Variants in SYT1 observed in about 807,000 individuals in gnomAD.
SYT1 encodes synaptotagmin-1.
In SYT1, 8 loss-of-function variants were observed where a neutral mutation model predicts 44.8. That is an observed-to-expected ratio of 0.18 (90% CI 0.10 to 0.32). SYT1 has a LOEUF of 0.32. Among genes scored for constraint, SYT1 ranks in the 10% least tolerant of loss-of-function variants. The probability of loss-of-function intolerance (pLI) is 1.00; values close to 1 mark genes in which losing one functional copy is unlikely to be tolerated. For synonymous variants in SYT1, 154 were observed against 188.8 expected (o/e 0.82, Z 1.51); for missense variants, 286 against 509.3 (o/e 0.56, Z 4.22).
chr12:79,391,972 G>GTACCC (rs1884675318), intron 9 of SYT1, among the ~76,000 whole-genome samples: 1 of 151,876 alleles, frequency 6.6e-6, no homozygotes, highest in Non-Finnish European at 1.5e-5. Flanking sequence ...AATTCATATT[G>GTACCC]TAAACCTTAG....
intron 1 of SYT1, among the ~76,000 whole-genome samples, chr12:78,899,951 T>C (rs1875570671): frequency 6.6e-6 from 1 of 152,098 alleles, no homozygotes; most frequent in South Asian, 2.1e-4. Context: ...AAGTTACTTT[T>C]AGAAATATAA....
intron 2 of SYT1, among the ~76,000 whole-genome samples, chr12:78,989,824 G>A (rs367673543): frequency 6.6e-6 from 1 of 152,088 alleles, no homozygotes; most frequent in African/African-American, 2.4e-5. Flanking sequence ...AACCTTCCAT[G>A]TCTGCTACAG....
At chr12:79,064,713 G>T (rs990658442) in intron 3 of SYT1, among the ~76,000 whole-genome samples, 1 of 151,580 alleles carries the variant, frequency 6.6e-6, no homozygotes, top group Non-Finnish European at 1.5e-5. Context: ...GTGTTGGGGG[G>T]TATGATTTTT....
intron 1 of SYT1, among the ~76,000 whole-genome samples, chr12:78,885,261 A>G (rs1874667636): frequency 6.9e-6 from 1 of 144,916 alleles, no homozygotes; most frequent in Admixed American, 7.0e-5. Flanking sequence ...AGAAAGGGGG[A>G]AGGAGGGAAG....
rs1405547 is a variant in SYT1 at position 78,932,910 on chromosome 12, A to C, written c.-216-44889A>C. On this transcript the variant is annotated intron_variant, in intron 1 of 10. Transcript: ENST00000261205. ...GCATAAATTCTTATATCTTGTCTCAAACACAAAATCTCAGAACGTCTTACT... is the reference window on the plus strand; with the variant it reads ...GCATAAATTCTTATATCTTGTCTCACACACAAAATCTCAGAACGTCTTACT... 7.4e-3 allele frequency among the ~76,000 whole-genome samples: 1,130 copies of C among 152,306 alleles called. 14 individuals carry two copies. Among genetic ancestry groups the C allele is most frequent in the African/African-American group, 0.026 (1,073 of 41,568 alleles).
At chr12:79,064,948 GAAAGAAAGAA>G (rs1565789284) in intron 3 of SYT1, among the ~76,000 whole-genome samples, 1 of 137,002 alleles carries the variant, frequency 7.3e-6, no homozygotes, top group Non-Finnish European at 1.6e-5. Flanking sequence ...AAGAAAGAAA[GAAAGAAAGAA>G]AGAAAGAAAG....
At chr12:78,955,884 C>T (rs1879189598) in intron 1 of SYT1, among the ~76,000 whole-genome samples, 1 of 150,962 alleles carries the variant, frequency 6.6e-6, no homozygotes, top group African/African-American at 2.4e-5. Context: ...GCAATGTCTG[C>T]ACTATCAATT....
At chr12:78,886,773 G>T (rs909386797) in intron 1 of SYT1, among the ~76,000 whole-genome samples, 2 of 151,992 alleles carry the variant, frequency 1.3e-5, no homozygotes, top group African/African-American at 4.8e-5. Flanking sequence ...AAAAGTGTAT[G>T]ATAGTGCGTT....
Position 79,291,838 on chromosome 12 carries a change from A to G in SYT1, c.352-170A>G, listed in dbSNP as rs567841227. 1,126 of 869,230 alleles carry G rather than the reference A, an allele frequency of 1.3e-3. 3 individuals are homozygous for G. The highest frequency in any genetic ancestry group is 1.9e-3 in the Admixed American group (95 of 50,738). 53.8% of individuals were successfully genotyped at this position (869,230 alleles called of 1,614,324 possible). ...TGGGGAAAGAAATTCCGTGCACAAA[A>G]GGAATTTAAAAAATATGTAAGCAGC... On this transcript the variant is annotated intron_variant, in intron 5 of 10. Coordinates refer to ENST00000261205, the MANE Select transcript of SYT1 (RefSeq NM_005639.3).
At chr12:79,014,274 T>C (rs1871646839) in intron 2 of SYT1, among the ~76,000 whole-genome samples, 1 of 152,142 alleles carries the variant, frequency 6.6e-6, no homozygotes, top group Non-Finnish European at 1.5e-5. Flanking sequence ...TTTTCTGAAA[T>C]TTAACCTGAA....
chr12:78,926,186 C>T (rs928466840), intron 1 of SYT1, among the ~76,000 whole-genome samples: 1 of 152,006 alleles, frequency 6.6e-6, no homozygotes, highest in African/African-American at 2.4e-5. Flanking sequence ...TTAACTAATT[C>T]TGGAAGATAA....
chr12:78,865,737 T>C (rs945309902), intron 1 of SYT1, among the ~76,000 whole-genome samples: 1 of 152,174 alleles, frequency 6.6e-6, no homozygotes. Flanking sequence ...TGTCTCTCAC[T>C]TGATTCGTTC....
intron 3 of SYT1, among the ~76,000 whole-genome samples, chr12:79,146,988 C>T (rs1384756736): frequency 6.6e-6 from 1 of 151,954 alleles, no homozygotes; most frequent in Non-Finnish European, 1.5e-5. Flanking sequence ...TTACAGGCGC[C>T]CACCACCATG....
chr12:78,961,985 C>A (rs1264748153), intron 1 of SYT1, among the ~76,000 whole-genome samples: 5 of 152,050 alleles, frequency 3.3e-5, no homozygotes, highest in Non-Finnish European at 7.4e-5. Context: ...TTCTATGTAA[C>A]TAAATTGTAT....
At chr12:79,003,999 T>A (rs1870913921) in intron 2 of SYT1, among the ~76,000 whole-genome samples, 1 of 151,956 alleles carries the variant, frequency 6.6e-6, no homozygotes, top group South Asian at 2.1e-4. Context: ...TTAGAGTAAC[T>A]GTGATGCCAC....
intron 3 of SYT1, among the ~76,000 whole-genome samples, chr12:79,126,838 C>T (rs977151516): frequency 4.6e-5 from 7 of 152,140 alleles, no homozygotes; most frequent in African/African-American, 1.2e-4. Flanking sequence ...TTACCAGTGA[C>T]GTGAATTCTG....
intron 2 of SYT1, among the ~76,000 whole-genome samples, chr12:78,983,434 T>C (rs992898843): frequency 1.3e-5 from 2 of 152,114 alleles, no homozygotes; most frequent in Admixed American, 1.3e-4. Context: ...TTTCTACACA[T>C]TGGAATGCAT....
At chr12:79,159,748 A>G (rs1047021680) in intron 3 of SYT1, among the ~76,000 whole-genome samples, 7 of 152,130 alleles carry the variant, frequency 4.6e-5, no homozygotes, top group African/African-American at 1.7e-4. Context: ...GTTTCATCAA[A>G]TCTAAGGCAC....
At chr12:79,422,885 C>G (rs1247991802) in intron 9 of SYT1, among the ~76,000 whole-genome samples, 2 of 152,052 alleles carry the variant, frequency 1.3e-5, no homozygotes, top group African/African-American at 2.4e-5. Context: ...GAGACGATTC[C>G]CCTTTCTAAT....
Sources: allele counts gnomAD v4.1 joint callset (sites outside exome capture counted in the v4.1 genomes callset), GRCh38; gene constraint gnomAD v4.1.1; transcripts MANE v1.5; gene names NCBI Gene and HGNC (gene_info 2026-07-23, HGNC 2026-07-21).